ACSL6: variants seen among roughly 807,000 people sequenced by gnomAD.
ACSL6 encodes the protein long-chain-fatty-acid--CoA ligase 6.
In ACSL6, 47 loss-of-function variants were observed where a neutral mutation model predicts 98.2. The observed-to-expected ratio is 0.48, with a 90% CI of 0.38 to 0.61. ACSL6 has a LOEUF of 0.61. Among genes scored for constraint, ACSL6 ranks in the 20% least tolerant of loss-of-function variants. ACSL6 has a pLI of 0.00. For synonymous variants in ACSL6, 362 were observed against 336.9 expected (o/e 1.07, Z -0.82); for missense variants, 761 against 913.4 (o/e 0.83, Z 2.15).
At chr5:131,994,992 C>T (rs2126922147) in intron 1 of ACSL6, among the ~76,000 whole-genome samples, 1 of 152,286 alleles carries the variant, frequency 6.6e-6, no homozygotes, top group East Asian at 1.9e-4. Context: ...CAGAGGAGAG[C>T]AGGTGTTAAC....
intron 10 of ACSL6, chr5:131,975,325 G>C (rs1580652780): frequency 1.0e-6 from 1 of 985,410 alleles, no homozygotes; most frequent in African/African-American, 1.7e-5. Flanking sequence ...TCCTCTCTGA[G>C]GGCCTGCCCC....
Position 131,953,435 on chromosome 5 carries a change from T to TA in ACSL6, c.*798dup, listed in dbSNP as rs1029920621. The stretch of plus-strand genomic sequence containing the variant: ...TTGAGACCAGCCTGAGCAAAATCTC[T>TA]AAAAAAAAAATTTCTATTAGCCAGG... On this transcript the variant is annotated 3_prime_UTR_variant, in exon 21 of 21. Transcript: ENST00000651883. 323 of 177,926 alleles carry TA rather than the reference T, an allele frequency of 1.8e-3. No individual in the cohort carries two copies. The highest frequency in any genetic ancestry group is 4.6e-3 in the East Asian group (48 of 10,398). 11.0% of individuals were successfully genotyped at this position (177,926 alleles called of 1,614,324 possible). A position where few individuals can be genotyped will look rare whatever the true frequency, so the allele number is the denominator to read the frequency against.
rs150283710 is a variant in ACSL6 at position 131,986,789 on chromosome 5, G to A, written c.864+33C>T. 4.8e-5 allele frequency: 78 copies of A among 1,613,740 alleles called. 1 individual carries two copies. Among genetic ancestry groups the A allele is most frequent in the South Asian group, 6.6e-5 (6 of 91,068 alleles). On this transcript the variant is annotated intron_variant, in intron 8 of 20. Coordinates refer to ENST00000651883, the MANE Select transcript of ACSL6 (RefSeq NM_001009185.3). The stretch of plus-strand genomic sequence containing the variant: ...GAGGACAGGCCCTGCACGCCATCTC[G>A]CTCAATAAAGACCTGCAGGTGAATT...
chr5:131,954,707 T>C (rs1561770406), intron 20 of ACSL6, among the ~76,000 whole-genome samples: 1 of 152,036 alleles, frequency 6.6e-6, no homozygotes, highest in Non-Finnish European at 1.5e-5. Context: ...TGGGCAATTA[T>C]CAGTATGGTA....
intron 6 of ACSL6, chr5:131,988,534 C>A: frequency 6.3e-7 from 1 of 1,599,748 alleles, no homozygotes; most frequent in South Asian, 1.1e-5. Context: ...GCCAAGCTGT[C>A]ATGAACTTCA....
chr5:131,970,219 A>C lies in ACSL6; in HGVS notation c.1435-19T>G. On this transcript the variant is annotated intron_variant, in intron 14 of 20. Coordinates refer to ENST00000651883, the MANE Select transcript of ACSL6 (RefSeq NM_001009185.3). ...CATAAACCTTCAAACAAAACACAGAAGCCACACTATGGGCACACACCCTCC... is the reference window on the plus strand; with the variant it reads ...CATAAACCTTCAAACAAAACACAGACGCCACACTATGGGCACACACCCTCC... 1 of 1,613,280 alleles carries C rather than the reference A, an allele frequency of 6.2e-7. No individual in the cohort carries two copies. The highest frequency in any genetic ancestry group is 8.5e-7 in the Non-Finnish European group (1 of 1,179,400).
At chr5:132,002,035 A>C (rs1204793952) in intron 1 of ACSL6, among the ~76,000 whole-genome samples, 1 of 152,228 alleles carries the variant, frequency 6.6e-6, no homozygotes, top group Non-Finnish European at 1.5e-5. Flanking sequence ...GGGCTAAAAA[A>C]ACAGCAGTAG....
chr5:131,970,569 G>C (rs30160), intron 14 of ACSL6, among the ~76,000 whole-genome samples: 54,846 of 151,778 alleles, frequency 0.36, 11,780 homozygotes, highest in African/African-American at 0.6. Context: ...GCCACCACAC[G>C]TGGCTAATTT....
At position 131,950,040 on chromosome 5, in the gene ACSL6, A is replaced by G. The variant is rs1189975783; in HGVS notation, c.*4194T>C. ...TAAATGCATTTTATATTTAATATGC[A>G]TGCTACTATAACAAAGCAACTGAAA... On this transcript the variant is annotated 3_prime_UTR_variant, in exon 21 of 21. Coordinates refer to ENST00000651883, the MANE Select transcript of ACSL6 (RefSeq NM_001009185.3). The G allele has an allele frequency of 5.6e-6, 1 of 177,866 alleles. No homozygotes were observed. The highest frequency in any genetic ancestry group is 1.2e-5 in the Non-Finnish European group (1 of 82,870). 11.0% of individuals were successfully genotyped at this position (177,866 alleles called of 1,614,324 possible). A position where few individuals can be genotyped will look rare whatever the true frequency, so the allele number is the denominator to read the frequency against.
In ACSL6 at chr5:131,966,529, A is replaced by G. The variant is rs755810148; in HGVS notation, c.1600T>C (p.Cys534Arg). Reference protein sequence around the residue: ...YWACKGEGEICVRGPNVFKGY... With the variant: ...YWACKGEGEIRVRGPNVFKGY... ...TTGAACACATTTGGTCCTCTCACAC[A>G]TATCTATGGGACAAAAACCATGGCT... The change falls in exon 17 of 21, where the codon TGT (cysteine) becomes CGT (arginine). Residue 534 changes from cysteine (C) to arginine (R), a missense_variant. Transcript: ENST00000651883. The G allele has an allele frequency of 6.2e-7, 1 of 1,613,874 alleles. No individual in the cohort carries two copies. Among genetic ancestry groups the G allele is most frequent in the Non-Finnish European group, 8.5e-7 (1 of 1,179,808 alleles).
intron 1 of ACSL6, among the ~76,000 whole-genome samples, chr5:131,995,437 G>A (rs922046804): frequency 1.3e-5 from 2 of 152,116 alleles, no homozygotes; most frequent in Non-Finnish European, 1.5e-5. Context: ...GAGGCTAGAG[G>A]CACCTACAGG....
chr5:131,954,541 C>A (rs1752299312), intron 20 of ACSL6, among the ~76,000 whole-genome samples, 170 bp from the exon 21 acceptor site: 1 of 152,124 alleles, frequency 6.6e-6, no homozygotes, highest in Non-Finnish European at 1.5e-5. Flanking sequence ...ATCTAAAAGC[C>A]AACTTTTTTC....
intron 9 of ACSL6, among the ~76,000 whole-genome samples, chr5:131,980,388 TG>T (rs1353274085): frequency 2.6e-5 from 4 of 152,182 alleles, no homozygotes; most frequent in Non-Finnish European, 4.4e-5. Flanking sequence ...CCACTAATGT[TG>T]GCACTGTGCT....
At chr5:131,973,625 G>A in intron 11 of ACSL6, 3 of 437,692 alleles carry the variant, frequency 6.9e-6, no homozygotes, top group South Asian at 3.8e-5. Context: ...AGAAGATGGA[G>A]TGGAATCCTG....
At chr5:131,978,711 G>A (rs923434449) in intron 9 of ACSL6, among the ~76,000 whole-genome samples, 1 of 152,160 alleles carries the variant, frequency 6.6e-6, no homozygotes, top group African/African-American at 2.4e-5. Context: ...TTTTGCCCAG[G>A]AGCAGAAAAA....
rs1462310414 is a variant in ACSL6, at chr5:131,951,416, GAAAT to G, written c.*2814_*2817del. On this transcript the variant is annotated 3_prime_UTR_variant, in exon 21 of 21. Transcript: ENST00000651883. ...ACAAAATTAAGTGGCATTAAACAGA[GAAAT>G]AGATAAATGTACATGCAAGATATTT... 1.5e-5 allele frequency: 3 copies of G among 201,584 alleles called. No homozygotes were observed. Among genetic ancestry groups the G allele is most frequent in the Admixed American group, 1.2e-4 (2 of 16,614 alleles). The allele number at this position is 201,584 out of a possible 1,614,324, so 12.5% of individuals were successfully genotyped here. A position where few individuals can be genotyped will look rare whatever the true frequency, so the allele number is the denominator to read the frequency against.
chr5:132,002,929 A>G (rs909217088), intron 1 of ACSL6, among the ~76,000 whole-genome samples: 1 of 152,184 alleles, frequency 6.6e-6, no homozygotes, highest in African/African-American at 2.4e-5. Flanking sequence ...ACAGCCCACA[A>G]GCTAATGGCA....
intron 15 of ACSL6, among the ~76,000 whole-genome samples, chr5:131,969,852 C>T (rs774210935): frequency 1.3e-5 from 2 of 152,162 alleles, no homozygotes; most frequent in Non-Finnish European, 2.9e-5. Flanking sequence ...CAAGGGAAAG[C>T]AGGGCTGTAG....
intron 20 of ACSL6, among the ~76,000 whole-genome samples, chr5:131,958,683 T>C (rs1430293329): frequency 6.6e-6 from 1 of 152,210 alleles, no homozygotes; most frequent in African/African-American, 2.4e-5. Context: ...GTTTTTTTAA[T>C]TGCAAATTAA....
Sources: allele counts gnomAD v4.1 joint callset (sites outside exome capture counted in the v4.1 genomes callset), GRCh38; gene constraint gnomAD v4.1.1; transcripts MANE v1.5; gene names NCBI Gene and HGNC (gene_info 2026-07-23, HGNC 2026-07-21).